Variants in FOXP1 observed in about 807,000 individuals in gnomAD.
FOXP1 encodes the protein forkhead box P1.
A neutral mutation model predicts 98.2 loss-of-function variants in FOXP1; 15 were observed. The ratio of observed to expected loss-of-function variants is 0.15; its 90% CI spans 0.10 to 0.24. The LOEUF (loss-of-function observed/expected upper bound fraction) is 0.24. FOXP1 is among the 10% of genes least tolerant of loss of function. The pLI, the probability that FOXP1 is intolerant of heterozygous loss-of-function variation, is 1.00. For missense variants in FOXP1, 633 were observed against 848.5 expected (o/e 0.75, Z 3.15); for synonymous variants, 371 against 314.5 (o/e 1.18, Z -1.90).
intron 7 of FOXP1, among the ~76,000 whole-genome samples, chr3:71,058,563 A>T (rs1033949612): frequency 1.3e-5 from 2 of 151,974 alleles, no homozygotes; most frequent in East Asian, 3.9e-4. Flanking sequence ...TGTCACAACA[A>T]AACCAAACAG....
chr3:71,469,651 T>TTTAG (rs2089131550), intron 3 of FOXP1, among the ~76,000 whole-genome samples: 1 of 152,224 alleles, frequency 6.6e-6, no homozygotes, highest in East Asian at 1.9e-4. Flanking sequence ...TGGGCTTTGA[T>TTTAG]GATCATATTA....
At chr3:71,344,794 T>C (rs146162395) in intron 4 of FOXP1, among the ~76,000 whole-genome samples, 22 of 131,818 alleles carry the variant, frequency 1.7e-4, no homozygotes, top group Admixed American at 6.9e-4. Context: ...AGATGTGCCA[T>C]TGCAGTCCAG....
chr3:71,547,391 C>G (rs2045445221), intron 2 of FOXP1, among the ~76,000 whole-genome samples: 1 of 152,190 alleles, frequency 6.6e-6, no homozygotes, highest in African/African-American at 2.4e-5. Flanking sequence ...GGCAGGTAAA[C>G]AACCATATCA....
chr3:71,290,494 C>A (rs1365577671), intron 5 of FOXP1, among the ~76,000 whole-genome samples: 1 of 152,170 alleles, frequency 6.6e-6, no homozygotes, highest in South Asian at 2.1e-4. Flanking sequence ...ATTCTAGTGG[C>A]CTCCTGACAG....
rs1291744448 is a variant in FOXP1 at position 70,970,730 on chromosome 3, T to A, written c.1722+6A>T. ...GCTGCATATTCGGGACGGCCGTTAATCTTACCTGTAAAGCTGCATTGAGAG... is the reference window on the plus strand; with the variant it reads ...GCTGCATATTCGGGACGGCCGTTAAACTTACCTGTAAAGCTGCATTGAGAG... On this transcript the variant is annotated splice_donor_region_variant and intron_variant, in intron 19 of 20. Coordinates refer to ENST00000649528, the MANE Select transcript of FOXP1 (RefSeq NM_001349338.3). 2.5e-6 allele frequency: 4 copies of A among 1,611,784 alleles called. No homozygotes were observed. Among genetic ancestry groups the A allele is most frequent in the Non-Finnish European group, 3.4e-6 (4 of 1,177,940 alleles).
intron 12 of FOXP1, among the ~76,000 whole-genome samples, chr3:71,008,704 A>G (rs1437223903): frequency 1.3e-5 from 2 of 152,158 alleles, no homozygotes; most frequent in Non-Finnish European, 2.9e-5. Flanking sequence ...GGTGAGGGAA[A>G]GACAACAGGA....
At chr3:71,102,827 G>A (rs1559932732) in intron 7 of FOXP1, among the ~76,000 whole-genome samples, 1 of 152,128 alleles carries the variant, frequency 6.6e-6, no homozygotes. Flanking sequence ...ATGGATGAAA[G>A]CATAGACTCT....
chr3:71,445,284 G>A (rs1329161772), intron 3 of FOXP1, among the ~76,000 whole-genome samples: 1 of 152,154 alleles, frequency 6.6e-6, no homozygotes, highest in Non-Finnish European at 1.5e-5. Flanking sequence ...GTGAACAGCT[G>A]GGAAGGAGGT....
intron 3 of FOXP1, among the ~76,000 whole-genome samples, chr3:71,416,222 G>C (rs1397092980): frequency 6.6e-6 from 1 of 152,070 alleles, no homozygotes; most frequent in Non-Finnish European, 1.5e-5. Context: ...GGGTCCAGGA[G>C]AAAATATAAG....
intron 6 of FOXP1, among the ~76,000 whole-genome samples, chr3:71,159,598 T>C (rs564356898): frequency 1.3e-3 from 191 of 152,312 alleles, no homozygotes; most frequent in Admixed American, 3.5e-3. Flanking sequence ...CCATTCTCTT[T>C]GATTATAAAT....
chr3:71,564,099 A>G (rs759458520), intron 2 of FOXP1, among the ~76,000 whole-genome samples: 3 of 152,204 alleles, frequency 2.0e-5, no homozygotes, highest in Non-Finnish European at 4.4e-5. Context: ...ACCCAGCAAA[A>G]CCGTATTTTA....
chr3:71,532,391 C>T (rs2107543735), intron 2 of FOXP1, among the ~76,000 whole-genome samples: 1 of 152,270 alleles, frequency 6.6e-6, no homozygotes, highest in South Asian at 2.1e-4. Flanking sequence ...GCCACCACGG[C>T]CGGCACAAAG....
intron 11 of FOXP1, among the ~76,000 whole-genome samples, chr3:71,030,288 C>A (rs1423305638): frequency 6.6e-6 from 1 of 152,182 alleles, no homozygotes; most frequent in Non-Finnish European, 1.5e-5. Context: ...CATAACGCAG[C>A]CAAATATCTT....
Position 71,348,424 on chromosome 3 carries a change from G to C in FOXP1, c.-73+10726C>G, listed in dbSNP as rs528523771. On this transcript the variant is annotated intron_variant, in intron 4 of 20. Coordinates refer to ENST00000649528, the MANE Select transcript of FOXP1 (RefSeq NM_001349338.3). Reference sequence around the variant, plus strand: ...GCAGCTTAGAAGCTTGGAGTGGGAGGCTGTTGGTGTTTCATCTTTTCCACC... The same window carrying C: ...GCAGCTTAGAAGCTTGGAGTGGGAGCCTGTTGGTGTTTCATCTTTTCCACC... 5.9e-5 allele frequency among the ~76,000 whole-genome samples: 9 copies of C among 152,064 alleles called. 1 individual carries two copies. The South Asian group carries it at 1.9e-3, about 32-fold the overall frequency.
intron 5 of FOXP1, among the ~76,000 whole-genome samples, chr3:71,210,655 T>A (rs76093236): frequency 0.031 from 4,774 of 152,298 alleles, 247 homozygotes; most frequent in African/African-American, 0.1. Context: ...TTCCCTCTAA[T>A]GTTTTGAGAA....
intron 3 of FOXP1, among the ~76,000 whole-genome samples, chr3:71,461,672 G>A (rs1447120908): frequency 6.6e-6 from 1 of 151,962 alleles, no homozygotes; most frequent in Non-Finnish European, 1.5e-5. Flanking sequence ...GTGGTGACAG[G>A]CGCCTGTAAT....
intron 5 of FOXP1, among the ~76,000 whole-genome samples, chr3:71,222,674 C>T (rs1351149687): frequency 6.6e-6 from 1 of 152,178 alleles, no homozygotes; most frequent in Non-Finnish European, 1.5e-5. Context: ...CTGCCTTGGC[C>T]TCCCAAAGCC....
At chr3:71,408,172 G>C (rs966317259) in intron 3 of FOXP1, among the ~76,000 whole-genome samples, 1 of 152,136 alleles carries the variant, frequency 6.6e-6, no homozygotes, top group East Asian at 1.9e-4. Flanking sequence ...TTTGCAACTC[G>C]AAGACTTTTA....
chr3:71,583,273 C>T (rs941559432), intron 1 of FOXP1, among the ~76,000 whole-genome samples: 1 of 152,080 alleles, frequency 6.6e-6, no homozygotes, highest in Non-Finnish European at 1.5e-5. Flanking sequence ...TGCAAATAAA[C>T]CCAAAGGGTG....
Sources: gnomAD v4.1 joint callset for allele counts (sites outside exome capture counted in the v4.1 genomes callset) on GRCh38, gnomAD v4.1.1 for gene constraint, MANE v1.5 for transcripts, NCBI Gene and HGNC (gene_info 2026-07-23, HGNC 2026-07-21) for gene names.